Variants in NAALADL1 observed in about 807,000 individuals in gnomAD.
The protein encoded by NAALADL1 is N-acetylated alpha-linked acidic dipeptidase like 1.
In NAALADL1, 77 loss-of-function variants were observed where a neutral mutation model predicts 82.8. The observed-to-expected ratio is 0.93, with a 90% CI of 0.77 to 1.12. The LOEUF (loss-of-function observed/expected upper bound fraction) is 1.12, where lower values mean the gene tolerates loss of function less well. Among genes scored for constraint, NAALADL1 ranks in the 50% most tolerant of loss-of-function variants. The pLI is 0.00. For missense variants in NAALADL1, 956 were observed against 964.0 expected, an observed-to-expected ratio of 0.99 and a Z score of 0.11; for synonymous variants, 358 against 399.2, an observed-to-expected ratio of 0.90 and a Z score of 1.23.
At chr11:65,051,315 C>CTTTCT (rs1946879993) in intron 8 of NAALADL1, among the ~76,000 whole-genome samples, 11 of 59,570 alleles carry the variant, frequency 1.8e-4, no homozygotes, top group Non-Finnish European at 3.5e-4. Flanking sequence ...TTCTTTCTTT[C>CTTTCT]TTTTTTTTTT....
Position 65,045,100 on chromosome 11 carries a change from A to T in NAALADL1, c.*171T>A. The T allele has an allele frequency of 1.4e-6, 1 of 719,346 alleles. No individual in the cohort carries two copies. The highest frequency in any genetic ancestry group is 2.2e-6 in the Non-Finnish European group (1 of 445,958). The allele number at this position is 719,346 out of a possible 1,614,324, so 44.6% of individuals were successfully genotyped here. On this transcript the variant is annotated 3_prime_UTR_variant, in exon 18 of 18. Coordinates refer to ENST00000358658, the MANE Select transcript of NAALADL1 (RefSeq NM_005468.3). ...CCACCTAAGCACCAGGATGAGGGTG[A>T]GTTGCATTAGGGCTTGCCACTCCCC...
chr11:65,051,333 T>C (rs1171736440), intron 8 of NAALADL1, among the ~76,000 whole-genome samples: 17 of 113,550 alleles, frequency 1.5e-4, no homozygotes, highest in South Asian at 3.1e-4. Context: ...TTTTTTTTTT[T>C]TTTTTTTTTT....
chr11:65,056,961 C>T (rs1947056304), intron 4 of NAALADL1, among the ~76,000 whole-genome samples: 2 of 152,204 alleles, frequency 1.3e-5, no homozygotes, highest in African/African-American at 2.4e-5. Flanking sequence ...AGGTGATCTG[C>T]CCACTTCGGC....
At position 65,048,394 on chromosome 11, in the gene NAALADL1, G is replaced by A. The variant is rs746447258; in HGVS notation, c.1199-9C>T. 8 of 1,613,924 alleles carry A rather than the reference G, an allele frequency of 5.0e-6. No individual in the cohort carries two copies. The African/African-American group carries it at 1.1e-4, about 22-fold the overall frequency. The stretch of plus-strand genomic sequence containing the variant: ...GCGAGGACGCCAGGTGCCTGGGAAT[G>A]GGGGATAGAGGGTTGGAGGACAGGG... On this transcript the variant is annotated splice_polypyrimidine_tract_variant and intron_variant, in intron 8 of 17. Coordinates refer to ENST00000358658, the MANE Select transcript of NAALADL1 (RefSeq NM_005468.3).
chr11:65,051,915 A>G (rs989879716), intron 8 of NAALADL1, among the ~76,000 whole-genome samples: 1 of 152,158 alleles, frequency 6.6e-6, no homozygotes, highest in Admixed American at 6.5e-5. Context: ...AATTTTTAAA[A>G]CTAACGAAAG....
At chr11:65,060,152 G>A (rs1293661946), upstream of NAALADL1, among the ~76,000 whole-genome samples, 4 of 151,114 alleles carry the variant, frequency 2.6e-5, no homozygotes, top group East Asian at 3.9e-4. Context: ...GTGTGTGCAC[G>A]TGCATGTGTG....
chr11:65,059,823 GA>G (rs751489969), upstream of NAALADL1, among the ~76,000 whole-genome samples: 4 of 152,212 alleles, frequency 2.6e-5, no homozygotes, highest in African/African-American at 4.8e-5. Flanking sequence ...TGCTCCCAGT[GA>G]AAGAGTGAGG....
At chr11:65,048,083 C>T in intron 10 of NAALADL1, 35 bp from the exon 11 acceptor site, 2 of 1,614,064 alleles carry the variant, frequency 1.2e-6, no homozygotes, top group Non-Finnish European at 1.7e-6. Context: ...ATTTGGGCCC[C>T]AGCCCCTTCT....
chr11:65,050,866 T>G (rs1438268145), intron 8 of NAALADL1, among the ~76,000 whole-genome samples: 5 of 152,128 alleles, frequency 3.3e-5, no homozygotes, highest in Non-Finnish European at 7.3e-5. Flanking sequence ...TTTTCCCCTA[T>G]TTTTTGTAGA....
chr11:65,053,588 G>A lies in NAALADL1; in HGVS notation c.993-12C>T, dbSNP rs1193745795. 1.3e-6 allele frequency: 2 copies of A among 1,582,742 alleles called. No homozygotes were observed. The highest frequency in any genetic ancestry group is 2.7e-5 in the African/African-American group (2 of 74,556). On this transcript the variant is annotated splice_polypyrimidine_tract_variant and intron_variant, in intron 6 of 17. Coordinates refer to ENST00000358658, the MANE Select transcript of NAALADL1 (RefSeq NM_005468.3). The surrounding 1 kb of genome is among the most constrained non-coding windows in gnomAD (Gnocchi z 4.3). Reference sequence around the variant, plus strand: ...TCACATTCACCTGGCTGGGGAGGGTGAAGGGTGTGAGAAGACTCTTGGCCT... The same window carrying A: ...TCACATTCACCTGGCTGGGGAGGGTAAAGGGTGTGAGAAGACTCTTGGCCT...
At position 65,057,903 on chromosome 11, in the gene NAALADL1, G is replaced by T. The variant is rs563286361; in HGVS notation, c.452C>A (p.Ala151Asp). ...TGGGGTTCCAGAAGGAGCATAGGCA[G>T]CATAGGGTTGTACCACATCTGGCCC... ...QGGPDVVQPY[A>D]AYAPSGTPQG... The change falls in exon 3 of 18, where the codon GCT (alanine) becomes GAT (aspartate). Residue 151 changes from alanine (A) to aspartate (D), a missense_variant. Ala to Asp is a moderately radical substitution (Grantham distance 126). Transcript: ENST00000358658. 119 of 1,614,120 alleles carry T rather than the reference G, an allele frequency of 7.4e-5. 1 individual carries two copies. In the South Asian group the frequency reaches 1.3e-3, roughly 17 times the overall value.
At position 65,046,025 on chromosome 11, in the gene NAALADL1, A is replaced by G. The variant is rs759214292; in HGVS notation, c.1943+2T>C. 6.2e-7 allele frequency: 1 copy of G among 1,613,618 alleles called. No individual in the cohort carries two copies. The highest frequency in any genetic ancestry group is 8.5e-7 in the Non-Finnish European group (1 of 1,179,876). ...CAGCCCCTGCCCGCTGCCCTTGCTC[A>G]CTCAGGGCTGCCCTTCTGCAGTGTT... On this transcript the variant is annotated splice_donor_variant, in intron 16 of 17. Transcript: ENST00000358658. LOFTEE classifies it high-confidence loss of function.
At chr11:65,051,675 G>GGGGATGGA (rs1318445926) in intron 8 of NAALADL1, among the ~76,000 whole-genome samples, 12 of 152,018 alleles carry the variant, frequency 7.9e-5, no homozygotes, top group Non-Finnish European at 1.8e-4. Context: ...CATACAAGGG[G>GGGGATGGA]GGGGATGGAG....
intron 13 of NAALADL1, 74 bp downstream of exon 13, chr11:65,047,401 G>T: frequency 7.5e-7 from 1 of 1,329,752 alleles, no homozygotes; most frequent in South Asian, 1.3e-5. Flanking sequence ...CAGTCTGTAT[G>T]AGAACAGCCA....
chr11:65,058,011 G>A lies in NAALADL1; in HGVS notation c.359-15C>T, dbSNP rs1371375208. Reference sequence around the variant, plus strand: ...AGTGGGGCCCACTGTTGGAGGGGTGGCAGTATCATGGCTGGGCCCAGCAGC... The same window carrying A: ...AGTGGGGCCCACTGTTGGAGGGGTGACAGTATCATGGCTGGGCCCAGCAGC... On this transcript the variant is annotated splice_polypyrimidine_tract_variant and intron_variant, in intron 2 of 17. Coordinates refer to ENST00000358658, the MANE Select transcript of NAALADL1 (RefSeq NM_005468.3). 9 of 1,613,968 alleles carry A rather than the reference G, an allele frequency of 5.6e-6. No individual in the cohort carries two copies. The highest frequency in any genetic ancestry group is 7.6e-6 in the Non-Finnish European group (9 of 1,179,986).
intron 17 of NAALADL1, 169 bp downstream of exon 17, chr11:65,045,653 G>A (rs1164393418): frequency 6.8e-6 from 6 of 880,800 alleles, no homozygotes; most frequent in African/African-American, 3.4e-5. Flanking sequence ...CTAGCTCCCA[G>A]AGGGACCCTC....
chr11:65,054,140 G>T lies in NAALADL1; in HGVS notation c.992+110C>A. On this transcript the variant is annotated intron_variant, in intron 6 of 17. Transcript: ENST00000358658. The surrounding 1 kb of genome is among the most constrained non-coding windows in gnomAD (Gnocchi z 4.3). ...GAGGGTCTGGGAGAGAGAGGAAAGG[G>T]AAAAAGGTCAGGCTTTGAAGTGGAA... 1 of 991,648 alleles carries T rather than the reference G, an allele frequency of 1.0e-6. No individual in the cohort carries two copies. The highest frequency in any genetic ancestry group is 2.5e-5 in the East Asian group (1 of 40,028). The allele number at this position is 991,648 out of a possible 1,614,324, so 61.4% of individuals were successfully genotyped here. A position where few individuals can be genotyped will look rare whatever the true frequency, so the allele number is the denominator to read the frequency against.
rs1298976725 is a variant in NAALADL1, at chr11:65,047,972, C to T, written c.1416+9G>A. 4 of 1,605,576 alleles carry T rather than the reference C, an allele frequency of 2.5e-6. No individual in the cohort carries two copies. The highest frequency in any genetic ancestry group is 3.4e-6 in the Non-Finnish European group (4 of 1,176,306). On this transcript the variant is annotated intron_variant, in intron 11 of 17. Coordinates refer to ENST00000358658, the MANE Select transcript of NAALADL1 (RefSeq NM_005468.3). ...CTAGTTCAGCCCCGCCCGGCCTGCC[C>T]CCTTCCACCTCTTTGGTTGCAGAGA...
Position 65,046,378 on chromosome 11 carries a change from A to G in NAALADL1, c.1682-16T>C. ...CTGCTGAAGCCTGCGGCAAGGTGAC[A>G]AGGCCAGGGCTCAGTCTTCAGCCTC... On this transcript the variant is annotated splice_polypyrimidine_tract_variant and intron_variant, in intron 14 of 17. Coordinates refer to ENST00000358658, the MANE Select transcript of NAALADL1 (RefSeq NM_005468.3). 3 of 1,614,184 alleles carry G rather than the reference A, an allele frequency of 1.9e-6. No individual in the cohort carries two copies. Among genetic ancestry groups the G allele is most frequent in the Non-Finnish European group, 2.5e-6 (3 of 1,180,028 alleles).
Sources: allele counts gnomAD v4.1 joint callset (sites outside exome capture counted in the v4.1 genomes callset), GRCh38; gene constraint gnomAD v4.1.1; non-coding constraint Gnocchi (gnomAD v3.1); transcripts MANE v1.5; gene names NCBI Gene and HGNC (gene_info 2026-07-23, HGNC 2026-07-21).